The following DDB1 variants were observed in gnomAD, a reference collection of about 807,000 sequenced individuals.
The protein encoded by DDB1 is damage specific DNA binding protein 1, also known as DNA damage-binding protein 1.
Under a neutral mutation model 133.1 loss-of-function variants are expected in DDB1, and 18 were observed. The ratio of observed to expected loss-of-function variants is 0.14; its 90% confidence interval spans 0.09 to 0.20. The LOEUF (loss-of-function observed/expected upper bound fraction) is 0.20, where lower values mean the gene tolerates loss of function less well. Among genes scored for constraint, DDB1 ranks in the 10% least tolerant of loss-of-function variants. The pLI is 1.00. For synonymous variants in DDB1, 580 were observed against 550.5 expected (o/e 1.05, Z -0.75); for missense variants, 828 against 1,459.2 (o/e 0.57, Z 7.05).
At chr11:61,309,228 T>C (rs1855922268) in intron 20 of DDB1, 151 bp from the exon 21 acceptor site, 1 of 690,036 alleles carries the variant, frequency 1.4e-6, no homozygotes. Flanking sequence ...CTGGAGTTAA[T>C]GACCACGTGA....
intron 21 of DDB1, among the ~76,000 whole-genome samples, chr11:61,305,963 G>A (rs1032813480): frequency 7.9e-5 from 12 of 152,136 alleles, no homozygotes; most frequent in Non-Finnish European, 1.5e-4. Flanking sequence ...ATTACATGTG[G>A]AAATGCTAAT....
chr11:61,322,975 C>G, intron 8 of DDB1, 36 bp downstream of exon 8: 1 of 1,571,556 alleles, frequency 6.4e-7, no homozygotes. Flanking sequence ...ACAGTGAGTA[C>G]AGCAAAAAAG....
chr11:61,302,894 G>A, intron 23 of DDB1, 143 bp from the exon 24 acceptor site: 2 of 1,300,496 alleles, frequency 1.5e-6, no homozygotes, highest in Non-Finnish European at 2.1e-6. Flanking sequence ...CTAAAGAGGT[G>A]GATTTCTGTC....
chr11:61,301,597 G>A (rs28720353), intron 25 of DDB1: 1 of 152,114 alleles, frequency 6.6e-6, no homozygotes, highest in Non-Finnish European at 1.5e-5. Flanking sequence ...AGAAGAAGAA[G>A]AAGAATAAAA....
At chr11:61,312,122 A>G (rs763071922) in intron 16 of DDB1, 38 bp from the exon 17 acceptor site, 1 of 1,589,470 alleles carries the variant, frequency 6.3e-7, no homozygotes, top group South Asian at 1.1e-5. Flanking sequence ...GAGGAGACTC[A>G]AGGAAGGCAA....
chr11:61,317,974 C>A (rs1030855081), intron 10 of DDB1, among the ~76,000 whole-genome samples: 9 of 152,174 alleles, frequency 5.9e-5, no homozygotes, highest in African/African-American at 1.9e-4. Context: ...CTCCTGGGCT[C>A]AAGTGATCCT....
chr11:61,300,450 T>C (rs1855774037), intron 26 of DDB1, among the ~76,000 whole-genome samples: 1 of 152,140 alleles, frequency 6.6e-6, no homozygotes, highest in Non-Finnish European at 1.5e-5. Context: ...CGAGACACCA[T>C]CTCCAGTGAG....
At chr11:61,330,757 G>C (rs1590702147) in intron 2 of DDB1, among the ~76,000 whole-genome samples, 1 of 152,120 alleles carries the variant, frequency 6.6e-6, no homozygotes, top group Non-Finnish European at 1.5e-5. Flanking sequence ...CTGAGTTCAA[G>C]CAATTCTTGT....
intron 9 of DDB1, 62 bp from the exon 10 acceptor site, chr11:61,321,759 GC>G (rs2134926953): frequency 7.0e-7 from 1 of 1,432,230 alleles, no homozygotes; most frequent in Non-Finnish European, 9.8e-7. Context: ...TCATACTGAT[GC>G]CCAGAAAGTA....
chr11:61,314,501 G>C lies in DDB1; in HGVS notation c.1411-15C>G. On this transcript the variant is annotated splice_polypyrimidine_tract_variant and intron_variant, in intron 12 of 26. Transcript: ENST00000301764. ...GCTGAAGTGATCTAGATAAACAGCA[G>C]ATGAACAAATGTCTCCAAGCATCTG... The C allele has an allele frequency of 1.2e-6, 2 of 1,600,642 alleles. No homozygotes were observed. Among genetic ancestry groups the C allele is most frequent in the Non-Finnish European group, 1.7e-6 (2 of 1,173,548 alleles).
At chr11:61,325,937 G>A (rs1171965484) in intron 5 of DDB1, 7 of 601,672 alleles carry the variant, frequency 1.2e-5, no homozygotes, top group South Asian at 1.9e-5. Context: ...TCTGGTGTTC[G>A]ACTATTCCTA....
chr11:61,332,819 C>T, intron 1 of DDB1, 89 bp downstream of exon 1: 1 of 1,238,406 alleles, frequency 8.1e-7, no homozygotes, highest in East Asian at 3.1e-5. Flanking sequence ...CCACTCCTGC[C>T]CGGCCGCCCC....
chr11:61,329,480 T>G lies in DDB1; in HGVS notation c.432A>C (p.Pro144=). The G allele has an allele frequency of 6.2e-7, 1 of 1,614,134 alleles. No homozygotes were observed. The highest frequency in any genetic ancestry group is 8.5e-7 in the Non-Finnish European group (1 of 1,180,028). ...TGAGTTCTTTATTATCGCGATCTAG[T>G]GGAATAACCTTGAAAAGGCCATCAT... ...RLYDGLFKVI[P]LDRDNKELKA... is the part of the protein sequence containing the mutation. The change falls in exon 4 of 27, where the codon CCA becomes CCC. Residue 144 remains proline, a synonymous_variant. Transcript: ENST00000301764.
intron 10 of DDB1, among the ~76,000 whole-genome samples, chr11:61,316,968 T>C (rs376580616): frequency 0.016 from 623 of 38,198 alleles, 84 homozygotes; most frequent in African/African-American, 0.054. Context: ...TATATATATA[T>C]ATATATATAT....
At chr11:61,323,280 A>T (rs1405056466) in intron 7 of DDB1, 186 bp from the exon 8 acceptor site, 1 of 612,486 alleles carries the variant, frequency 1.6e-6, no homozygotes, top group Non-Finnish European at 2.9e-6. Context: ...TTGATTCTTC[A>T]TCTATTGCAT....
At chr11:61,304,441 T>C (rs1178825053) in intron 21 of DDB1, among the ~76,000 whole-genome samples, 1 of 151,634 alleles carries the variant, frequency 6.6e-6, no homozygotes, top group Non-Finnish European at 1.5e-5. Context: ...CATCCCAGCC[T>C]AGGCGACACA....
chr11:61,325,548 G>C (rs935052428), intron 6 of DDB1, 63 bp downstream of exon 6: 4 of 1,352,586 alleles, frequency 3.0e-6, no homozygotes, highest in Admixed American at 3.9e-5. Flanking sequence ...AAGAGAAAGG[G>C]AGGAGCAAGG....
At chr11:61,330,668 TG>T (rs1341285532) in intron 2 of DDB1, among the ~76,000 whole-genome samples, 7 of 151,820 alleles carry the variant, frequency 4.6e-5, no homozygotes, top group Admixed American at 1.3e-4. Context: ...TTTTGTTTGG[TG>T]TTTTTTTTTT....
intron 25 of DDB1, chr11:61,302,031 TGGACCAGC>T (rs1855804140): frequency 2.3e-6 from 1 of 434,660 alleles, no homozygotes; most frequent in South Asian, 3.9e-5. Context: ...ATTTCCAAGA[TGGACCAGC>T]GGAAGCTAGG....
Sources: allele counts gnomAD v4.1 joint callset (sites outside exome capture counted in the v4.1 genomes callset), GRCh38; gene constraint gnomAD v4.1.1; transcripts MANE v1.5; gene names NCBI Gene and HGNC (gene_info 2026-07-23, HGNC 2026-07-21).